DLGAP1: variants seen among roughly 807,000 people sequenced by gnomAD.
The protein encoded by DLGAP1 is DLG associated protein 1.
A neutral mutation model predicts 90.8 loss-of-function variants in DLGAP1; 11 were observed. The ratio of observed to expected loss-of-function variants is 0.12; its 90% CI spans 0.08 to 0.20. The LOEUF is 0.20. Among genes scored for constraint, DLGAP1 ranks in the 10% least tolerant of loss-of-function variants. DLGAP1 has a pLI of 1.00. For synonymous variants in DLGAP1, 558 were observed against 540.7 expected, an observed-to-expected ratio of 1.03 and a Z score of -0.44; for missense variants, 1,050 against 1,333.8, an observed-to-expected ratio of 0.79 and a Z score of 3.31.
At chr18:3,969,567 T>C (rs2073401811) in intron 3 of DLGAP1, among the ~76,000 whole-genome samples, 3 of 152,144 alleles carry the variant, frequency 2.0e-5, no homozygotes, top group Admixed American at 2.0e-4. Context: ...CAGAAAAAAG[T>C]AGAAGTACCT....
chr18:3,576,861 C>T (rs553969499), intron 8 of DLGAP1, among the ~76,000 whole-genome samples: 6 of 143,326 alleles, frequency 4.2e-5, no homozygotes, highest in Admixed American at 2.1e-4. Context: ...CCACTACGCC[C>T]GGCCTTTTTT....
intron 2 of DLGAP1, among the ~76,000 whole-genome samples, chr18:4,070,881 G>C (rs1373084765): frequency 6.6e-6 from 1 of 152,094 alleles, no homozygotes; most frequent in African/African-American, 2.4e-5. Flanking sequence ...AAAAAAGTGA[G>C]TATTAATTCA....
At chr18:4,288,721 A>G (rs976693035) in intron 1 of DLGAP1, among the ~76,000 whole-genome samples, 2 of 152,164 alleles carry the variant, frequency 1.3e-5, no homozygotes, top group African/African-American at 4.8e-5. Context: ...CGTGGGGCAC[A>G]CTAGAAGACA....
chr18:3,879,993 G>A lies in DLGAP1; in HGVS notation c.76C>T (p.His26Tyr). The A allele has an allele frequency of 6.2e-7, 1 of 1,611,430 alleles. No individual in the cohort carries two copies. The highest frequency in any genetic ancestry group is 8.5e-7 in the Non-Finnish European group (1 of 1,179,934). The part of the protein sequence containing the change: ...CDSACDSLSH[H>Y]SDRKPYLLSP... ...AGCAGGTAGGGCTTGCGGTCGGAGTGGTGCGACAGCGAGTCACAGGCCGAG... is the reference window on the plus strand; with the variant it reads ...AGCAGGTAGGGCTTGCGGTCGGAGTAGTGCGACAGCGAGTCACAGGCCGAG... Residue 26 changes from histidine (H) to tyrosine (Y), a missense_variant, in exon 4 of 13, where the codon CAC becomes TAC. By Grantham distance (83) the His-to-Tyr change is moderately conservative (BLOSUM62 2). Transcript: ENST00000315677. This position sits in a 1 kb window ranked among gnomAD's most constrained non-coding sequence, Gnocchi z 6.6.
intron 10 of DLGAP1, among the ~76,000 whole-genome samples, chr18:3,521,945 A>G (rs1291762858): frequency 6.6e-6 from 1 of 152,216 alleles, no homozygotes; most frequent in East Asian, 1.9e-4. Context: ...TTGACTAATT[A>G]GCTGATATAG....
At chr18:3,509,190 C>T (rs1648276979) in intron 10 of DLGAP1, among the ~76,000 whole-genome samples, 1 of 152,112 alleles carries the variant, frequency 6.6e-6, no homozygotes, top group South Asian at 2.1e-4. Context: ...TTTTCCGGAG[C>T]TCAGCCACTG....
chr18:4,085,955 C>G (rs900462844), intron 2 of DLGAP1, among the ~76,000 whole-genome samples: 2 of 152,156 alleles, frequency 1.3e-5, no homozygotes, highest in Admixed American at 1.3e-4. Context: ...TTGCTCTCAA[C>G]TTGGTTTGAC....
At chr18:4,002,128 T>C (rs980416721) in intron 3 of DLGAP1, among the ~76,000 whole-genome samples, 3 of 152,190 alleles carry the variant, frequency 2.0e-5, no homozygotes, top group Non-Finnish European at 4.4e-5. Flanking sequence ...TCTGTTTCCA[T>C]GGGGTGATTT....
chr18:3,523,586 G>A (rs141542129), intron 10 of DLGAP1, among the ~76,000 whole-genome samples: 5,749 of 152,128 alleles, frequency 0.038, 121 homozygotes, highest in Non-Finnish European at 0.044. Flanking sequence ...GGTGGCTCAC[G>A]CCTGTAATCC....
chr18:4,373,403 T>C (rs2081955619), intron 1 of DLGAP1, among the ~76,000 whole-genome samples: 1 of 152,012 alleles, frequency 6.6e-6, no homozygotes, highest in South Asian at 2.1e-4. Flanking sequence ...AGTGAGGAAG[T>C]GGGAGGCATC....
chr18:3,848,998 C>G (rs564682066), intron 4 of DLGAP1, among the ~76,000 whole-genome samples: 21 of 152,338 alleles, frequency 1.4e-4, no homozygotes, highest in African/African-American at 4.8e-4. Flanking sequence ...TCTTTCCAGA[C>G]TTATCTAGCA....
At chr18:4,158,650 T>C (rs1466606107) in intron 1 of DLGAP1, among the ~76,000 whole-genome samples, 1 of 152,330 alleles carries the variant, frequency 6.6e-6, no homozygotes. Context: ...TCTTGGACAC[T>C]TGACCAAAGT....
intron 2 of DLGAP1, among the ~76,000 whole-genome samples, chr18:4,083,805 G>A (rs1440087982): frequency 6.6e-6 from 1 of 152,154 alleles, no homozygotes; most frequent in Non-Finnish European, 1.5e-5. Context: ...CTAGGGTTGA[G>A]TGTTGACAGC....
At position 3,600,783 on chromosome 18, in the gene DLGAP1, G is replaced by T. The variant is rs1363168084; in HGVS notation, c.1592-18535C>A. Among the ~76,000 whole-genome samples, 12 of 32,998 alleles carry T rather than the reference G, an allele frequency of 3.6e-4. 2 individuals carry two copies. The highest frequency in any genetic ancestry group is 6.8e-4 in the African/African-American group (5 of 7,328). The allele number at this position is 32,998 out of a possible 152,430, so 21.6% of individuals were successfully genotyped here. A position where few individuals can be genotyped will look rare whatever the true frequency, so the allele number is the denominator to read the frequency against. ...ATATATAGATATATATAGATATATA[G>T]ATATATATAGATATATAGATATATA... On this transcript the variant is annotated intron_variant, in intron 7 of 12. Transcript: ENST00000315677.
intron 1 of DLGAP1, among the ~76,000 whole-genome samples, chr18:4,174,421 G>A (rs1381880871): frequency 2.0e-5 from 3 of 151,714 alleles, no homozygotes; most frequent in African/African-American, 2.4e-5. Context: ...TGCAACCTCC[G>A]CCCCCCGGGT....
chr18:3,631,999 C>A (rs1029291298), intron 7 of DLGAP1, among the ~76,000 whole-genome samples: 1 of 152,102 alleles, frequency 6.6e-6, no homozygotes. Context: ...TGGCCTCCAA[C>A]TCCTGGCTCA....
chr18:4,314,254 A>G (rs1054568843), intron 1 of DLGAP1, among the ~76,000 whole-genome samples: 1 of 152,178 alleles, frequency 6.6e-6, no homozygotes, highest in Non-Finnish European at 1.5e-5. Context: ...AGGAACTTTG[A>G]CTGGAGGACA....
At chr18:4,155,433 A>G (rs149340557) in intron 1 of DLGAP1, among the ~76,000 whole-genome samples, 4 of 152,276 alleles carry the variant, frequency 2.6e-5, no homozygotes, top group African/African-American at 9.6e-5. Flanking sequence ...CTTTTAAGGC[A>G]CTGTGAGGAA....
chr18:3,980,532 C>T (rs2073705622), intron 3 of DLGAP1, among the ~76,000 whole-genome samples: 1 of 152,158 alleles, frequency 6.6e-6, no homozygotes, highest in Non-Finnish European at 1.5e-5. Flanking sequence ...AAAGGAAGGG[C>T]ATCTCCTAAT....
Sources: allele counts gnomAD v4.1 joint callset (sites outside exome capture counted in the v4.1 genomes callset), GRCh38; gene constraint gnomAD v4.1.1; non-coding constraint Gnocchi (gnomAD v3.1); transcripts MANE v1.5; gene names NCBI Gene and HGNC (gene_info 2026-07-23, HGNC 2026-07-21).